The following STPG2 variants were observed in gnomAD, a reference collection of about 807,000 sequenced individuals.
STPG2 encodes the protein sperm-tail PG-rich repeat-containing protein 2.
STPG2 carries 56 observed loss-of-function variants against 54.2 expected under a neutral mutation model. That is an observed-to-expected ratio of 1.03 (90% CI 0.83 to 1.29). The LOEUF (loss-of-function observed/expected upper bound fraction) is 1.29, where lower values mean the gene tolerates loss of function less well. STPG2 is among the 50% of genes most tolerant of loss of function. The probability of loss-of-function intolerance (pLI) is 0.00; values close to 1 mark genes in which losing one functional copy is unlikely to be tolerated. For synonymous variants in STPG2, 200 were observed against 181.8 expected (o/e 1.10, Z -0.81); for missense variants, 596 against 544.9 (o/e 1.09, Z -0.93).
At chr4:98,050,833 G>A (rs182503154) in intron 5 of STPG2, among the ~76,000 whole-genome samples, 2 of 151,608 alleles carry the variant, frequency 1.3e-5, no homozygotes, top group South Asian at 2.1e-4. Context: ...GTGAAACCCC[G>A]TCCCTACTAA....
intron 5 of STPG2, among the ~76,000 whole-genome samples, chr4:98,028,727 C>G (rs1437358340): frequency 2.0e-5 from 3 of 152,140 alleles, no homozygotes; most frequent in Non-Finnish European, 4.4e-5. Flanking sequence ...CTCTCTTCCT[C>G]TTTGGAGTTT....
intron 5 of STPG2, among the ~76,000 whole-genome samples, chr4:97,995,883 C>T (rs1189362176): frequency 2.0e-5 from 3 of 151,964 alleles, no homozygotes; most frequent in African/African-American, 7.2e-5. Context: ...ATAATGGAGG[C>T]AGATTTCTTT....
At chr4:97,527,078 C>T (rs1009270265) in intron 4 of STPG2, among the ~76,000 whole-genome samples, 2 of 151,698 alleles carry the variant, frequency 1.3e-5, no homozygotes, top group Non-Finnish European at 2.9e-5. Context: ...TATACACATG[C>T]CATGGCGGTT....
chr4:97,590,638 G>GACACAGAC (rs1553940791), intron 10 of STPG2, among the ~76,000 whole-genome samples: 2 of 138,620 alleles, frequency 1.4e-5, no homozygotes, highest in African/African-American at 5.2e-5. Flanking sequence ...CAGACACACA[G>GACACAGAC]ACACACACAC....
chr4:97,945,340 T>C (rs796472803), intron 7 of STPG2, among the ~76,000 whole-genome samples: 3 of 152,278 alleles, frequency 2.0e-5, no homozygotes, highest in African/African-American at 7.2e-5. Context: ...GCTAGTTCAC[T>C]TAGAATAATG....
chr4:98,024,533 T>C (rs1736351062), intron 5 of STPG2, among the ~76,000 whole-genome samples: 1 of 152,208 alleles, frequency 6.6e-6, no homozygotes, highest in African/African-American at 2.4e-5. Context: ...TATAACCAAA[T>C]GTTGCCAAAG....
At chr4:98,122,812 G>A (rs1259768370) in intron 3 of STPG2, among the ~76,000 whole-genome samples, 1 of 152,042 alleles carries the variant, frequency 6.6e-6, no homozygotes, top group African/African-American at 2.4e-5. Flanking sequence ...GTCTGGTCCT[G>A]GGCTTTTTTC....
At chr4:97,974,740 C>A (rs1350958377) in intron 6 of STPG2, among the ~76,000 whole-genome samples, 1 of 152,178 alleles carries the variant, frequency 6.6e-6, no homozygotes, top group Non-Finnish European at 1.5e-5. Context: ...TGTGAGGCAT[C>A]CCCAGCCATG....
chr4:97,484,573 A>C (rs1163989181), intron 4 of STPG2, among the ~76,000 whole-genome samples: 4 of 151,552 alleles, frequency 2.6e-5, no homozygotes, highest in Non-Finnish European at 5.9e-5. Flanking sequence ...CTGATTTAAA[A>C]ATTACCAACA....
intron 3 of STPG2, among the ~76,000 whole-genome samples, chr4:98,125,027 A>G (rs1739790663): frequency 6.6e-6 from 1 of 152,164 alleles, no homozygotes; most frequent in South Asian, 2.1e-4. Flanking sequence ...AGCTCCATCA[A>G]GGTGTTTATG....
chr4:97,942,112 A>G (rs1034000231), intron 8 of STPG2, among the ~76,000 whole-genome samples: 1 of 151,276 alleles, frequency 6.6e-6, no homozygotes, highest in African/African-American at 2.4e-5. Context: ...ATATATGTAT[A>G]GATACGTTTT....
At chr4:97,672,998 T>C (rs1722744806) in intron 10 of STPG2, among the ~76,000 whole-genome samples, 1 of 152,260 alleles carries the variant, frequency 6.6e-6, no homozygotes, top group South Asian at 2.1e-4. Flanking sequence ...TGACCTACAT[T>C]GTGTACAACA....
rs1297588753 is a variant in STPG2 at position 98,018,869 on chromosome 4, G to GT, written c.613-37552dup. On this transcript the variant is annotated intron_variant, in intron 5 of 10. Coordinates refer to ENST00000295268, the MANE Select transcript of STPG2 (RefSeq NM_174952.3). ...TGCCCACTTTTTGATGGGGTTGTTT[G>GT]TTTTTTTTTTGTAAATTTGTTTGAG... 3.6e-3 allele frequency among the ~76,000 whole-genome samples: 540 copies of GT among 147,998 alleles called. 4 individuals are homozygous for GT. The highest frequency in any genetic ancestry group is 0.011 in the African/African-American group (448 of 40,490).
chr4:98,091,132 A>T (rs967317625), intron 5 of STPG2, among the ~76,000 whole-genome samples: 4 of 152,072 alleles, frequency 2.6e-5, no homozygotes, highest in African/African-American at 9.7e-5. Flanking sequence ...ATCACTAGAT[A>T]AAATCAATGC....
At chr4:98,101,459 C>T (rs1739034615) in intron 5 of STPG2, among the ~76,000 whole-genome samples, 1 of 151,950 alleles carries the variant, frequency 6.6e-6, no homozygotes, top group Non-Finnish European at 1.5e-5. Flanking sequence ...AAGTGCTAAG[C>T]TGAGAGGTGT....
At chr4:98,115,807 G>C (rs1033346023) in intron 3 of STPG2, among the ~76,000 whole-genome samples, 5 of 151,960 alleles carry the variant, frequency 3.3e-5, no homozygotes, top group African/African-American at 1.2e-4. Flanking sequence ...AGGAGAAACA[G>C]AAGAAAATAA....
intron 8 of STPG2, among the ~76,000 whole-genome samples, chr4:97,876,821 CAA>C (rs1005042248): frequency 2.0e-4 from 31 of 151,768 alleles, no homozygotes; most frequent in Admixed American, 1.6e-3. Context: ...TTATTTTCTG[CAA>C]AGAGACTCTA....
At chr4:97,903,807 G>T (rs1050599243) in intron 8 of STPG2, among the ~76,000 whole-genome samples, 1 of 152,184 alleles carries the variant, frequency 6.6e-6, no homozygotes. Context: ...GGGTCAGGGA[G>T]TTCCCTTTCC....
At chr4:97,866,013 T>A (rs1157757328) in intron 8 of STPG2, among the ~76,000 whole-genome samples, 4 of 151,922 alleles carry the variant, frequency 2.6e-5, no homozygotes, top group Non-Finnish European at 5.9e-5. Context: ...TATTGCATGT[T>A]CTCCCTTATT....
Sources: allele counts gnomAD v4.1 joint callset (sites outside exome capture counted in the v4.1 genomes callset), GRCh38; gene constraint gnomAD v4.1.1; transcripts MANE v1.5; gene names NCBI Gene and HGNC (gene_info 2026-07-23, HGNC 2026-07-21).